KCNH5: variants seen among roughly 807,000 people sequenced by gnomAD.
KCNH5 encodes the protein potassium voltage-gated channel subfamily H member 5.
KCNH5 carries 46 observed loss-of-function variants against 96.1 expected under a neutral mutation model. The observed-to-expected ratio is 0.48, with a 90% confidence interval of 0.38 to 0.61. The LOEUF is 0.61. KCNH5 is among the 20% of genes least tolerant of loss of function. KCNH5 has a pLI of 0.00. For synonymous variants in KCNH5, 439 were observed against 449.8 expected (o/e 0.98, Z 0.30); for missense variants, 907 against 1,225.8 (o/e 0.74, Z 3.88).
chr14:62,970,883 A>G (rs1890394964), intron 6 of KCNH5, among the ~76,000 whole-genome samples: 1 of 152,094 alleles, frequency 6.6e-6, no homozygotes. Context: ...AAAAAAGAAA[A>G]AAAAAACCCT....
chr14:62,891,741 T>C (rs1365951856), intron 7 of KCNH5, among the ~76,000 whole-genome samples: 1 of 152,242 alleles, frequency 6.6e-6, no homozygotes, highest in African/African-American at 2.4e-5. Context: ...TGTGTCTCTG[T>C]GTCACATTTT....
intron 5 of KCNH5, among the ~76,000 whole-genome samples, chr14:62,984,318 A>G (rs1890665165): frequency 6.6e-6 from 1 of 152,206 alleles, no homozygotes. Flanking sequence ...TGAACAAGCT[A>G]AAGGCAATCA....
chr14:62,843,784 C>T (rs1825179715), intron 8 of KCNH5, among the ~76,000 whole-genome samples: 1 of 152,052 alleles, frequency 6.6e-6, no homozygotes, highest in African/African-American at 2.4e-5. Flanking sequence ...GTCTTGGCTT[C>T]AACTATGATA....
chr14:62,909,232 A>G (rs1052248434), intron 7 of KCNH5, among the ~76,000 whole-genome samples: 9 of 150,414 alleles, frequency 6.0e-5, no homozygotes, highest in African/African-American at 2.2e-4. Flanking sequence ...TTTTTAGTAG[A>G]GACGGGGTTT....
chr14:63,008,660 T>G (rs1419962710), intron 2 of KCNH5, among the ~76,000 whole-genome samples: 1 of 151,866 alleles, frequency 6.6e-6, no homozygotes, highest in Non-Finnish European at 1.5e-5. Context: ...TAAAAGGATC[T>G]CAGAATAAAA....
chr14:62,853,478 TATC>T lies in KCNH5; in HGVS notation c.1370-3629_1370-3627del, dbSNP rs1475682854. ...AATCATATATATATATATATATATA[TATC>T]ATATATATATATAATCTTGGCCACA... On this transcript the variant is annotated intron_variant, in intron 7 of 10. Coordinates refer to ENST00000322893, the MANE Select transcript of KCNH5 (RefSeq NM_139318.5). Among the ~76,000 whole-genome samples the T allele has an allele frequency of 9.3e-3, 939 of 101,002 alleles. 24 individuals are homozygous for T. The highest frequency in any genetic ancestry group is 0.033 in the African/African-American group (841 of 25,670). 66.3% of individuals were successfully genotyped at this position (101,002 alleles called of 152,430 possible).
chr14:62,982,464 T>C (rs1890628762), intron 5 of KCNH5, among the ~76,000 whole-genome samples: 2 of 152,358 alleles, frequency 1.3e-5, no homozygotes, highest in Admixed American at 1.3e-4. Context: ...GCCCATTGTA[T>C]GTATTCAGTT....
chr14:62,778,049 A>C (rs1450258063), intron 10 of KCNH5, among the ~76,000 whole-genome samples: 2 of 152,180 alleles, frequency 1.3e-5, no homozygotes, highest in African/African-American at 4.8e-5. Flanking sequence ...TTTCACAGGA[A>C]TATTATAAAC....
intron 1 of KCNH5, among the ~76,000 whole-genome samples, chr14:63,031,787 AGAT>A (rs1343517569): frequency 6.6e-6 from 1 of 152,188 alleles, no homozygotes; most frequent in Non-Finnish European, 1.5e-5. Context: ...TAAATATGGA[AGAT>A]GATGAATAGG....
chr14:62,872,174 C>T (rs921110444), intron 7 of KCNH5, among the ~76,000 whole-genome samples: 12 of 152,142 alleles, frequency 7.9e-5, no homozygotes, highest in Non-Finnish European at 1.5e-5. Context: ...CATTTGGTTT[C>T]TACTACGTGT....
chr14:62,999,562 A>C (rs1013697288), intron 4 of KCNH5, among the ~76,000 whole-genome samples: 1 of 151,936 alleles, frequency 6.6e-6, no homozygotes, highest in African/African-American at 2.4e-5. Context: ...TGTCCTTTGT[A>C]GGGACATAGG....
chr14:62,903,704 CA>C (rs1365681930), intron 7 of KCNH5, among the ~76,000 whole-genome samples: 1 of 151,938 alleles, frequency 6.6e-6, no homozygotes, highest in Non-Finnish European at 1.5e-5. Context: ...TCCATACTGA[CA>C]AAGATGAAGC....
At chr14:63,030,747 T>C (rs1891609698) in intron 1 of KCNH5, among the ~76,000 whole-genome samples, 2 of 152,214 alleles carry the variant, frequency 1.3e-5, no homozygotes, top group African/African-American at 2.4e-5. Context: ...AATTCCTAAA[T>C]GCTGGCAGCT....
chr14:62,781,568 C>A (rs931989516), intron 9 of KCNH5, among the ~76,000 whole-genome samples: 6 of 152,156 alleles, frequency 3.9e-5, no homozygotes, highest in African/African-American at 1.4e-4. Flanking sequence ...GTTTAGAGAC[C>A]TACCGCCAGG....
chr14:62,789,706 T>C (rs1040273304), intron 9 of KCNH5, among the ~76,000 whole-genome samples: 1 of 151,930 alleles, frequency 6.6e-6, no homozygotes, highest in Non-Finnish European at 1.5e-5. Context: ...TTCATATACC[T>C]GATGGTTATT....
In KCNH5 at chr14:62,779,730, G is replaced by A. The variant is rs751953923; in HGVS notation, c.2017C>T (p.Arg673Trp). ...AAAAGCAGACCCAGAGAACATACCCGTTTCCTCAGATTGCAAGTAAGAGTG... is the reference window on the plus strand; with the variant it reads ...AAAAGCAGACCCAGAGAACATACCCATTTCCTCAGATTGCAAGTAAGAGTG... ...NLTLTCNLRK[R>W]IIFRKISDVK... Residue 673 changes from arginine to tryptophan, a missense_variant and splice_region_variant, in exon 10 of 11, where the codon CGG becomes TGG. Transcript: ENST00000322893. 25 of 1,611,662 alleles carry A rather than the reference G, an allele frequency of 1.6e-5. No individual in the cohort carries two copies. Among genetic ancestry groups the A allele is most frequent in the South Asian group, 4.4e-5 (4 of 90,778 alleles).
intron 7 of KCNH5, among the ~76,000 whole-genome samples, chr14:62,885,245 C>T (rs1423351417): frequency 6.6e-6 from 1 of 152,042 alleles, no homozygotes. Flanking sequence ...CTTTCTGTAC[C>T]TTAATTATTC....
intron 7 of KCNH5, among the ~76,000 whole-genome samples, chr14:62,860,687 C>T (rs1240264386): frequency 1.3e-5 from 2 of 152,176 alleles, no homozygotes; most frequent in Non-Finnish European, 2.9e-5. Flanking sequence ...TACTTGCTAC[C>T]ATCACTCTAA....
rs537472605 is a variant in KCNH5 at position 62,703,158 on chromosome 14, C to T, written c.*4350G>A. ...TGTCAAAGGAGCTTCATTCTTTCCA[C>T]GTTTATTTGATTTGTAGTTCTAAAT... On this transcript the variant is annotated 3_prime_UTR_variant, in exon 11 of 11. Coordinates refer to ENST00000322893, the MANE Select transcript of KCNH5 (RefSeq NM_139318.5). 3.3e-4 allele frequency: 50 copies of T among 151,972 alleles called. No homozygotes were observed. Among genetic ancestry groups the T allele is most frequent in the African/African-American group, 9.9e-4 (41 of 41,522 alleles). 9.4% of individuals were successfully genotyped at this position (151,972 alleles called of 1,614,324 possible). A position where few individuals can be genotyped will look rare whatever the true frequency, so the allele number is the denominator to read the frequency against.
Sources: allele counts gnomAD v4.1 joint callset (sites outside exome capture counted in the v4.1 genomes callset), GRCh38; gene constraint gnomAD v4.1.1; transcripts MANE v1.5; gene names NCBI Gene and HGNC (gene_info 2026-07-23, HGNC 2026-07-21).